Variants in ZNF536 observed in about 807,000 individuals in gnomAD.
ZNF536 encodes the protein zinc finger protein 536.
In ZNF536, 13 loss-of-function variants were observed where a neutral mutation model predicts 84.5. The observed-to-expected ratio is 0.15, with a 90% confidence interval of 0.10 to 0.24. The LOEUF (loss-of-function observed/expected upper bound fraction) is 0.24. Among genes scored for constraint, ZNF536 ranks in the 10% least tolerant of loss-of-function variants. The probability of loss-of-function intolerance (pLI) is 1.00; values close to 1 mark genes in which losing one functional copy is unlikely to be tolerated. For synonymous variants in ZNF536, 811 were observed against 742.5 expected, an observed-to-expected ratio of 1.09 and a Z score of -1.50; for missense variants, 1,536 against 1,747.5, an observed-to-expected ratio of 0.88 and a Z score of 2.16.
At chr19:30,525,929 A>G (rs2044554959) in intron 2 of ZNF536, among the ~76,000 whole-genome samples, 2 of 152,188 alleles carry the variant, frequency 1.3e-5, no homozygotes, top group Non-Finnish European at 1.5e-5. Flanking sequence ...AGGTTATTCT[A>G]AAAAGCAATG....
chr19:30,605,756 G>A (rs185013651), intron 1 of ZNF536, among the ~76,000 whole-genome samples: 1 of 152,136 alleles, frequency 6.6e-6, no homozygotes, highest in African/African-American at 2.4e-5. Flanking sequence ...CTTTAAGGAA[G>A]CTGCAGGATG....
exon 2 of ZNF536, chr19:30,712,824 G>A (rs2052491480): frequency 6.6e-6 from 1 of 151,940 alleles, no homozygotes; most frequent in Non-Finnish European, 1.5e-5. Context: ...CTTTCCGACT[G>A]TAGTAAGCTT....
At chr19:30,268,585 G>C (rs573582488) in intron 1 of ZNF536, among the ~76,000 whole-genome samples, 1 of 152,124 alleles carries the variant, frequency 6.6e-6, no homozygotes, top group Non-Finnish European at 1.5e-5. Flanking sequence ...ACAAATGGAC[G>C]ATCTATAACG....
intron 1 of ZNF536, among the ~76,000 whole-genome samples, chr19:30,623,782 G>A (rs1465933524): frequency 6.6e-6 from 1 of 152,200 alleles, no homozygotes; most frequent in Non-Finnish European, 1.5e-5. Context: ...CTGTTTGCAT[G>A]TTACAGAGCT....
chr19:30,250,380 CTG>C (rs1479431358), intron 1 of ZNF536, among the ~76,000 whole-genome samples: 3 of 152,176 alleles, frequency 2.0e-5, no homozygotes, highest in African/African-American at 7.2e-5. Flanking sequence ...CTTTGTCACA[CTG>C]TGGTGACACA....
chr19:30,609,799 C>CATCT (rs140367556), intron 1 of ZNF536, among the ~76,000 whole-genome samples: 1 of 150,928 alleles, frequency 6.6e-6, no homozygotes, highest in African/African-American at 2.4e-5. Flanking sequence ...TCCATCCATC[C>CATCT]ATCCATCCAT....
chr19:30,373,741 G>A (rs1471400014), intron 1 of ZNF536, among the ~76,000 whole-genome samples: 2 of 152,234 alleles, frequency 1.3e-5, no homozygotes, highest in Non-Finnish European at 2.9e-5. Context: ...GGAGCAGCTG[G>A]AGAGAAAGCC....
At chr19:30,388,644 A>C (rs2049448130) in intron 1 of ZNF536, among the ~76,000 whole-genome samples, 1 of 152,230 alleles carries the variant, frequency 6.6e-6, no homozygotes. Context: ...TGTAGGTCTA[A>C]ACCCTCACGG....
intron 2 of ZNF536, among the ~76,000 whole-genome samples, chr19:30,518,575 C>T (rs1490557199): frequency 6.6e-6 from 1 of 152,236 alleles, no homozygotes; most frequent in East Asian, 1.9e-4. Flanking sequence ...TAGAAATTAG[C>T]ATCCCAGGAT....
At chr19:30,404,687 A>G (rs1379613607) in intron 1 of ZNF536, among the ~76,000 whole-genome samples, 1 of 152,032 alleles carries the variant, frequency 6.6e-6, no homozygotes, top group Non-Finnish European at 1.5e-5. Context: ...TACTACAACC[A>G]CAGTCATCAA....
intron 1 of ZNF536, among the ~76,000 whole-genome samples, chr19:30,633,579 T>C (rs2048964965): frequency 6.6e-6 from 1 of 152,240 alleles, no homozygotes; most frequent in Non-Finnish European, 1.5e-5. Context: ...TCTCTGCTTC[T>C]ATGAGATCAA....
intron 1 of ZNF536, among the ~76,000 whole-genome samples, chr19:30,403,659 C>T (rs1156773434): frequency 6.6e-6 from 1 of 152,208 alleles, no homozygotes; most frequent in Admixed American, 6.5e-5. Context: ...ACTTGCAGCT[C>T]TAGAAAGAAG....
At chr19:30,663,117 TAA>T (rs2050185515) in intron 1 of ZNF536, among the ~76,000 whole-genome samples, 4 of 152,316 alleles carry the variant, frequency 2.6e-5, no homozygotes, top group African/African-American at 9.6e-5. Flanking sequence ...AGTGCAGGTT[TAA>T]ACAGTGGGCA....
At chr19:30,440,577 C>T (rs575894499) in intron 1 of ZNF536, among the ~76,000 whole-genome samples, 18 of 152,086 alleles carry the variant, frequency 1.2e-4, no homozygotes, top group Non-Finnish European at 1.8e-4. Flanking sequence ...TCTGCCTTCA[C>T]GGGAATGAAG....
intron 1 of ZNF536, among the ~76,000 whole-genome samples, chr19:30,411,786 T>A (rs1052403304): frequency 1.2e-4 from 19 of 152,260 alleles, no homozygotes; most frequent in African/African-American, 4.3e-4. Flanking sequence ...TCACATTTTT[T>A]AATGATGAAT....
chr19:30,640,139 T>C (rs959449260), intron 1 of ZNF536, among the ~76,000 whole-genome samples: 1 of 151,972 alleles, frequency 6.6e-6, no homozygotes, highest in Non-Finnish European at 1.5e-5. Context: ...CCCAGCTACT[T>C]GGGAGGCTGA....
chr19:30,361,256 G>C (rs1355804964), intron 3 of ZNF536, among the ~76,000 whole-genome samples: 1 of 152,186 alleles, frequency 6.6e-6, no homozygotes, highest in East Asian at 1.9e-4. Flanking sequence ...TGTGTGCCTG[G>C]GCGACAGCTT....
At chr19:30,608,298 A>G (rs1444444736) in intron 1 of ZNF536, among the ~76,000 whole-genome samples, 1 of 152,118 alleles carries the variant, frequency 6.6e-6, no homozygotes, top group African/African-American at 2.4e-5. Context: ...CTTTGTCCCT[A>G]TTCACCTCAT....
At chr19:30,377,261 G>C (rs977556140) in intron 1 of ZNF536, among the ~76,000 whole-genome samples, 1 of 152,170 alleles carries the variant, frequency 6.6e-6, no homozygotes, top group African/African-American at 2.4e-5. Context: ...GGGAGTCCTG[G>C]ATGTTACCCG....
Sources: allele counts gnomAD v4.1 joint callset (sites outside exome capture counted in the v4.1 genomes callset), GRCh38; gene constraint gnomAD v4.1.1; transcripts MANE v1.5; gene names NCBI Gene and HGNC (gene_info 2026-07-23, HGNC 2026-07-21).